The following CNTNAP2 variants were observed in gnomAD, a reference collection of about 807,000 sequenced individuals.
CNTNAP2 encodes the protein contactin-associated protein-like 2.
CNTNAP2 carries 98 observed loss-of-function variants against 155.2 expected under a neutral mutation model. The ratio of observed to expected loss-of-function variants is 0.63; its 90% CI spans 0.54 to 0.75. CNTNAP2 has a LOEUF of 0.75. Among genes scored for constraint, CNTNAP2 ranks in the 30% least tolerant of loss-of-function variants. The pLI, the probability that CNTNAP2 is intolerant of heterozygous loss-of-function variation, is 0.00. For synonymous variants in CNTNAP2, 651 were observed against 631.2 expected, an observed-to-expected ratio of 1.03 and a Z score of -0.47; for missense variants, 1,727 against 1,688.1, an observed-to-expected ratio of 1.02 and a Z score of -0.40.
chr7:148,244,709 T>C (rs1020353481), intron 20 of CNTNAP2, among the ~76,000 whole-genome samples: 10 of 151,770 alleles, frequency 6.6e-5, no homozygotes, highest in Admixed American at 2.0e-4. Context: ...ACCACAGGCA[T>C]GAGCCACCAC....
intron 1 of CNTNAP2, among the ~76,000 whole-genome samples, chr7:146,733,708 G>T (rs1280084000): frequency 6.6e-6 from 1 of 151,942 alleles, no homozygotes; most frequent in East Asian, 1.9e-4. Flanking sequence ...GACTGAGAAA[G>T]AAATATAAAT....
chr7:147,298,080 T>A (rs1794871624), intron 8 of CNTNAP2, among the ~76,000 whole-genome samples: 1 of 152,172 alleles, frequency 6.6e-6, no homozygotes, highest in African/African-American at 2.4e-5. Flanking sequence ...TGGAAAGTCT[T>A]TTGCATTAAT....
intron 1 of CNTNAP2, among the ~76,000 whole-genome samples, chr7:146,678,113 G>GT (rs1379822331): frequency 3.3e-5 from 5 of 152,044 alleles, no homozygotes; most frequent in African/African-American, 1.2e-4. Context: ...CCAGGCTGGA[G>GT]TAGGAGTACA....
rs1800049320 is a variant in CNTNAP2, at chr7:148,418,715, T to A, written c.*3099T>A. 1 of 152,186 alleles carries A rather than the reference T, an allele frequency of 6.6e-6. No homozygotes were observed. Among genetic ancestry groups the A allele is most frequent in the South Asian group, 2.1e-4 (1 of 4,832 alleles). 9.4% of individuals were successfully genotyped at this position (152,186 alleles called of 1,614,324 possible). On this transcript the variant is annotated 3_prime_UTR_variant, in exon 24 of 24. Coordinates refer to ENST00000361727, the MANE Select transcript of CNTNAP2 (RefSeq NM_014141.6). Reference sequence around the variant, plus strand: ...TTAATATTTAAAAATGTATTTCCCCTTGTGGCTTTCAACCACCTGCTCAAA... The same window carrying A: ...TTAATATTTAAAAATGTATTTCCCCATGTGGCTTTCAACCACCTGCTCAAA...
At chr7:147,811,550 C>T (rs2116607498) in intron 13 of CNTNAP2, among the ~76,000 whole-genome samples, 1 of 152,228 alleles carries the variant, frequency 6.6e-6, no homozygotes, top group South Asian at 2.1e-4. Flanking sequence ...AGCCCAGTGT[C>T]CCCTAGGGAG....
intron 15 of CNTNAP2, among the ~76,000 whole-genome samples, chr7:148,015,653 A>T (rs551387441): frequency 7.2e-5 from 11 of 152,276 alleles, no homozygotes; most frequent in African/African-American, 2.6e-4. Context: ...GTTTCTCTTA[A>T]AAATCCCCAG....
chr7:146,803,480 G>C (rs576008770), intron 2 of CNTNAP2, among the ~76,000 whole-genome samples: 1 of 152,230 alleles, frequency 6.6e-6, no homozygotes, highest in African/African-American at 2.4e-5. Context: ...TGGATCACGG[G>C]CCAATCATGA....
chr7:147,295,243 G>T (rs971310793), intron 8 of CNTNAP2, among the ~76,000 whole-genome samples: 1 of 147,560 alleles, frequency 6.8e-6, no homozygotes, highest in African/African-American at 2.5e-5. Context: ...GTGCGCATGC[G>T]TGTGTACCCA....
chr7:146,839,630 A>G (rs1180054846), intron 2 of CNTNAP2, 81 bp from the exon 3 acceptor site: 1 of 1,455,688 alleles, frequency 6.9e-7, no homozygotes. Flanking sequence ...ACCAATTAAG[A>G]TATGTAGAAT....
intron 1 of CNTNAP2, among the ~76,000 whole-genome samples, chr7:146,637,296 C>T (rs1487923075): frequency 6.6e-6 from 1 of 152,130 alleles, no homozygotes; most frequent in East Asian, 1.9e-4. Flanking sequence ...ATACATATTA[C>T]ACATGAAAAC....
At chr7:147,472,059 C>A (rs1798229303) in intron 10 of CNTNAP2, among the ~76,000 whole-genome samples, 2 of 152,106 alleles carry the variant, frequency 1.3e-5, no homozygotes, top group Non-Finnish European at 2.9e-5. Context: ...TGACACCTGC[C>A]CTTGTTTTGC....
chr7:147,438,733 T>G (rs974561783), intron 10 of CNTNAP2, among the ~76,000 whole-genome samples: 5 of 152,190 alleles, frequency 3.3e-5, no homozygotes, highest in Middle Eastern at 3.4e-3. Flanking sequence ...CTTTTTTTAC[T>G]GGGAGACTTT....
chr7:146,376,241 A>G (rs1795301493), intron 1 of CNTNAP2, among the ~76,000 whole-genome samples: 1 of 152,112 alleles, frequency 6.6e-6, no homozygotes, highest in African/African-American at 2.4e-5. Context: ...ATGGGGAAAA[A>G]AATTGTAGCT....
intron 1 of CNTNAP2, among the ~76,000 whole-genome samples, chr7:146,298,198 A>C (rs913674773): frequency 6.6e-6 from 1 of 152,140 alleles, no homozygotes; most frequent in African/African-American, 2.4e-5. Context: ...TGCAAGTTGA[A>C]TGTGGTTTTT....
chr7:147,919,634 A>AT (rs1800230716), intron 14 of CNTNAP2, among the ~76,000 whole-genome samples: 1 of 150,142 alleles, frequency 6.7e-6, no homozygotes, highest in Non-Finnish European at 1.5e-5. Context: ...AATTTTTTGT[A>AT]TTTTTAGTAG....
intron 9 of CNTNAP2, among the ~76,000 whole-genome samples, chr7:147,394,472 A>G (rs1796775669): frequency 6.6e-6 from 1 of 152,122 alleles, no homozygotes; most frequent in African/African-American, 2.4e-5. Context: ...ATATTAGATG[A>G]AGTGAATGTG....
chr7:148,319,737 G>A (rs1179799116), intron 21 of CNTNAP2, among the ~76,000 whole-genome samples: 2 of 151,666 alleles, frequency 1.3e-5, no homozygotes, highest in African/African-American at 4.8e-5. Context: ...AATGCTTGAT[G>A]ATCTGTCAGT....
intron 1 of CNTNAP2, among the ~76,000 whole-genome samples, chr7:146,468,347 G>T (rs1796745235): frequency 6.6e-6 from 1 of 151,840 alleles, no homozygotes; most frequent in Non-Finnish European, 1.5e-5. Context: ...GTACCTGGGT[G>T]ACTGGATAAT....
chr7:147,740,760 C>G (rs1345531834), intron 13 of CNTNAP2, among the ~76,000 whole-genome samples: 2 of 152,140 alleles, frequency 1.3e-5, no homozygotes, highest in African/African-American at 4.8e-5. Context: ...TCCCTAGAAG[C>G]AGATCTAGAG....
Sources: allele counts gnomAD v4.1 joint callset (sites outside exome capture counted in the v4.1 genomes callset), GRCh38; gene constraint gnomAD v4.1.1; transcripts MANE v1.5; gene names NCBI Gene and HGNC (gene_info 2026-07-23, HGNC 2026-07-21).